The following ECM2 variants were observed in gnomAD, a reference collection of about 807,000 sequenced individuals.
ECM2 encodes the protein extracellular matrix protein 2.
ECM2 carries 57 observed loss-of-function variants against 67.5 expected under a neutral mutation model. The observed-to-expected ratio is 0.84, with a 90% CI of 0.68 to 1.05. The LOEUF (loss-of-function observed/expected upper bound fraction) is 1.05. Ranked by LOEUF, ECM2 falls within the 50% of genes least tolerant of loss-of-function variation. The probability of loss-of-function intolerance (pLI) is 0.00; values close to 1 mark genes in which losing one functional copy is unlikely to be tolerated. For synonymous variants in ECM2, 258 were observed against 294.5 expected (o/e 0.88, Z 1.27); for missense variants, 741 against 822.8 (o/e 0.90, Z 1.22).
At chr9:92,557,620 A>G in the ECM2 span, among the ~76,000 whole-genome samples, 1 of 151,938 alleles carries the variant, frequency 6.6e-6, no homozygotes, top group East Asian at 1.9e-4. Flanking sequence ...TATTGCTGAG[A>G]CTTTCCAGAG....
At chr9:92,546,702 C>T in the ECM2 span, among the ~76,000 whole-genome samples, 1 of 152,136 alleles carries the variant, frequency 6.6e-6, no homozygotes, top group African/African-American at 2.4e-5. Flanking sequence ...TTCTTGAAGT[C>T]AGTGAGACCA....
At chr9:92,554,869 C>A in the ECM2 span, among the ~76,000 whole-genome samples, 1 of 152,066 alleles carries the variant, frequency 6.6e-6, no homozygotes, top group East Asian at 1.9e-4. Context: ...AACTCCTGAC[C>A]TCGTGATCCA....
rs368173604 is a variant in ECM2 at position 92,520,222 on chromosome 9, GC to G, written c.293-2348del. ...CACTGAAGCCCAGGAGTTCAAGACT[GC>G]AGTGAGCTATGATTGTACCACCGTA... is the stretch of plus-strand genomic sequence containing the variant. On this transcript the variant is annotated intron_variant, in intron 2 of 9. Transcript: ENST00000344604. Among the ~76,000 whole-genome samples, 555 of 151,680 alleles carry G rather than the reference GC, an allele frequency of 3.7e-3. 2 individuals carry two copies. Among genetic ancestry groups the G allele is most frequent in the African/African-American group, 0.012 (494 of 41,098 alleles).
chr9:92,505,802 GT>G (rs1554677872), intron 6 of ECM2, 112 bp from the exon 7 acceptor site: 23 of 854,180 alleles, frequency 2.7e-5, no homozygotes, highest in Admixed American at 6.2e-5. Flanking sequence ...GGCAAATACA[GT>G]TTTTTTTAAA....
intron 4 of ECM2, among the ~76,000 whole-genome samples, chr9:92,514,097 T>G (rs965276677): frequency 6.6e-6 from 1 of 151,408 alleles, no homozygotes; most frequent in African/African-American, 2.4e-5. Flanking sequence ...TAAAATACAG[T>G]CTTCACAGAG....
chr9:92,496,587 T>C, intron 9 of ECM2, 104 bp from the exon 10 acceptor site: 2 of 1,438,362 alleles, frequency 1.4e-6, no homozygotes, highest in East Asian at 2.5e-5. Context: ...TAAAATAAAG[T>C]TGGATCCTTA....
In ECM2 at chr9:92,532,156, C is replaced by T. The variant is rs150521306; in HGVS notation, c.-28+3777G>A. 7.9e-5 allele frequency among the ~76,000 whole-genome samples: 12 copies of T among 151,146 alleles called. No homozygotes were observed. In the South Asian group the frequency reaches 1.9e-3, roughly 24 times the overall value. The stretch of plus-strand genomic sequence containing the variant: ...GACTACAGGCACGAACTACCACACC[C>T]GGCTCGAAGATACAATTTCTATGTC... On this transcript the variant is annotated intron_variant, in intron 1 of 9. Transcript: ENST00000344604.
At chr9:92,547,080 A>T in the ECM2 span, among the ~76,000 whole-genome samples, 1 of 152,214 alleles carries the variant, frequency 6.6e-6, no homozygotes, top group Non-Finnish European at 1.5e-5. Context: ...ATATATTATG[A>T]TTATACTGGG....
At chr9:92,545,979 C>T in the ECM2 span, among the ~76,000 whole-genome samples, 2 of 151,922 alleles carry the variant, frequency 1.3e-5, no homozygotes, top group African/African-American at 2.4e-5. Context: ...TGTAAATGCA[C>T]CAGTCAGCAC....
At chr9:92,504,476 C>G (rs1385032550) in intron 7 of ECM2, among the ~76,000 whole-genome samples, 1 of 152,138 alleles carries the variant, frequency 6.6e-6, no homozygotes, top group Non-Finnish European at 1.5e-5. Context: ...ACCTGGGTTC[C>G]CACGGGGTCT....
At chr9:92,501,079 G>T (rs1026622587) in intron 8 of ECM2, 26 bp from the exon 9 acceptor site, 3 of 1,601,292 alleles carry the variant, frequency 1.9e-6, no homozygotes, top group Non-Finnish European at 2.6e-6. Context: ...AAGTAAACAG[G>T]GTAGGGACAT....
Position 92,495,370 on chromosome 9 carries a change from A to C in ECM2, c.*945T>G. On this transcript the variant is annotated 3_prime_UTR_variant, in exon 10 of 10. Transcript: ENST00000344604. ...GGTAGGGCCAATACATAGTAAAGAC[A>C]TAGCTTTATTTCAATTGAACCGAAT... 1 of 976,326 alleles carries C rather than the reference A, an allele frequency of 1.0e-6. No individual in the cohort carries two copies. The highest frequency in any genetic ancestry group is 1.2e-6 in the Non-Finnish European group (1 of 821,592). The allele number at this position is 976,326 out of a possible 1,614,324, so 60.5% of individuals were successfully genotyped here. A position where few individuals can be genotyped will look rare whatever the true frequency, so the allele number is the denominator to read the frequency against.
chr9:92,540,832 G>A (rs1563995436), upstream of ECM2, among the ~76,000 whole-genome samples: 1 of 152,042 alleles, frequency 6.6e-6, no homozygotes, highest in Admixed American at 6.6e-5. Context: ...CCTAGATCAG[G>A]AGATAACTGT....
chr9:92,547,719 T>A, the ECM2 span, among the ~76,000 whole-genome samples: 1 of 152,230 alleles, frequency 6.6e-6, no homozygotes, highest in African/African-American at 2.4e-5. Context: ...GACTAAAATG[T>A]TCTAAAAATA....
At chr9:92,501,985 G>T (rs1310839075) in intron 8 of ECM2, among the ~76,000 whole-genome samples, 1 of 152,224 alleles carries the variant, frequency 6.6e-6, no homozygotes, top group Non-Finnish European at 1.5e-5. Flanking sequence ...TTGAGGTGAA[G>T]AAATAGTTTG....
At chr9:92,494,494 TAAC>T (rs2131128750), downstream of ECM2, among the ~76,000 whole-genome samples, 1 of 152,322 alleles carries the variant, frequency 6.6e-6, no homozygotes, top group South Asian at 2.1e-4. Flanking sequence ...GTTTTCTTCC[TAAC>T]AACCTGCTAT....
upstream of ECM2, among the ~76,000 whole-genome samples, chr9:92,536,365 A>T (rs564430452): frequency 7.9e-5 from 12 of 152,316 alleles, no homozygotes; most frequent in African/African-American, 2.9e-4. Context: ...GAGCTTTATC[A>T]GATTATAGGG....
At chr9:92,518,184 A>T (rs1847843500) in intron 2 of ECM2, among the ~76,000 whole-genome samples, 1 of 152,136 alleles carries the variant, frequency 6.6e-6, no homozygotes, top group Non-Finnish European at 1.5e-5. Context: ...AACAATCCCC[A>T]AATCTCAGTT....
At chr9:92,552,354 A>T in the ECM2 span, among the ~76,000 whole-genome samples, 1 of 152,084 alleles carries the variant, frequency 6.6e-6, no homozygotes, top group Non-Finnish European at 1.5e-5. Context: ...CTCTGGGTAG[A>T]TACCCAGTAG....
Sources: allele counts gnomAD v4.1 joint callset (sites outside exome capture counted in the v4.1 genomes callset), GRCh38; gene constraint gnomAD v4.1.1; transcripts MANE v1.5; gene names NCBI Gene and HGNC (gene_info 2026-07-23, HGNC 2026-07-21).